Variants in SPMAP2L observed in about 807,000 individuals in gnomAD.
The protein encoded by SPMAP2L is sperm microtubule associated protein 2 like.
chr4:56,531,967 T>C, the SPMAP2L span, among the ~76,000 whole-genome samples: 1 of 152,226 alleles, frequency 6.6e-6, no homozygotes, highest in East Asian at 1.9e-4. Context: ...TGGTTATCCA[T>C]CATACTTCTG....
At chr4:56,615,271 C>T in the SPMAP2L span, among the ~76,000 whole-genome samples, 1 of 152,200 alleles carries the variant, frequency 6.6e-6, no homozygotes, top group African/African-American at 2.4e-5. Context: ...CCAGTTTGTT[C>T]TTGAAGGCAC....
chr4:56,619,085 T>C, the SPMAP2L span, among the ~76,000 whole-genome samples: 1 of 152,228 alleles, frequency 6.6e-6, no homozygotes, highest in African/African-American at 2.4e-5. Context: ...ACCATGCCTA[T>C]GATAAAGTTT....
the SPMAP2L span, among the ~76,000 whole-genome samples, chr4:56,581,626 A>C: frequency 6.6e-6 from 1 of 152,126 alleles, no homozygotes; most frequent in Non-Finnish European, 1.5e-5. Flanking sequence ...TCTAAAAAAA[A>C]AAAAAGAATA....
At chr4:56,603,393 G>T in the SPMAP2L span, 4 of 1,118,302 alleles carry the variant, frequency 3.6e-6, no homozygotes, top group Non-Finnish European at 3.7e-6. Flanking sequence ...TTAGTTCCCT[G>T]TTGCGGTACT....
chr4:56,598,374 A>G, the SPMAP2L span, among the ~76,000 whole-genome samples: 1 of 152,204 alleles, frequency 6.6e-6, no homozygotes, highest in Non-Finnish European at 1.5e-5. Context: ...CCCCTTGAGC[A>G]GCTTATATTC....
At chr4:56,606,768 A>G in the SPMAP2L span, among the ~76,000 whole-genome samples, 2 of 152,236 alleles carry the variant, frequency 1.3e-5, no homozygotes, top group Non-Finnish European at 2.9e-5. Context: ...TCTTCATCCT[A>G]AAACCAAAGG....
chr4:56,576,977 T>G, the SPMAP2L span, among the ~76,000 whole-genome samples: 119 of 152,346 alleles, frequency 7.8e-4, no homozygotes, highest in African/African-American at 2.5e-3. Context: ...TGGCTTAAGC[T>G]CTTTATTATG....
the SPMAP2L span, among the ~76,000 whole-genome samples, chr4:56,595,975 T>C: frequency 1.3e-5 from 2 of 152,228 alleles, no homozygotes; most frequent in Non-Finnish European, 2.9e-5. Context: ...TTTTGTGTTT[T>C]GCATAGAAAG....
the SPMAP2L span, among the ~76,000 whole-genome samples, chr4:56,620,631 C>T: frequency 2.6e-5 from 4 of 152,168 alleles, no homozygotes; most frequent in African/African-American, 9.7e-5. Flanking sequence ...GTGATCTGCC[C>T]GCCTCGGCCT....
At chr4:56,540,949 C>G in the SPMAP2L span, among the ~76,000 whole-genome samples, 3 of 152,206 alleles carry the variant, frequency 2.0e-5, no homozygotes, top group Admixed American at 1.3e-4. Flanking sequence ...CAGTTGCATC[C>G]TGGGGATTTC....
chr4:56,568,298 T>C, the SPMAP2L span, among the ~76,000 whole-genome samples: 1 of 152,238 alleles, frequency 6.6e-6, no homozygotes, highest in South Asian at 2.1e-4. Context: ...ATTTTTCTCA[T>C]TATGGGTCAT....
At chr4:56,574,156 A>G in the SPMAP2L span, among the ~76,000 whole-genome samples, 2 of 152,172 alleles carry the variant, frequency 1.3e-5, no homozygotes, top group African/African-American at 4.8e-5. Flanking sequence ...GTGCTGGCTC[A>G]TGCCTGTAAT....
chr4:56,600,890 T>A, the SPMAP2L span: 7 of 1,504,794 alleles, frequency 4.7e-6, no homozygotes, highest in Non-Finnish European at 6.2e-6. Flanking sequence ...TAGAGAAATG[T>A]AAAATTTGGG....
chr4:56,590,571 C>T, the SPMAP2L span, among the ~76,000 whole-genome samples: 1 of 152,220 alleles, frequency 6.6e-6, no homozygotes, highest in Non-Finnish European at 1.5e-5. Context: ...TCAATCCATC[C>T]TCCTGCTTCA....
At chr4:56,552,719 C>A in the SPMAP2L span, 1 of 685,360 alleles carries the variant, frequency 1.5e-6, no homozygotes. Context: ...TCCTCTGAAC[C>A]AATATTGTCA....
At chr4:56,601,399 G>A in the SPMAP2L span, among the ~76,000 whole-genome samples, 66 of 152,208 alleles carry the variant, frequency 4.3e-4, no homozygotes, top group African/African-American at 1.3e-3. Flanking sequence ...TGGGAGGATA[G>A]CTTGAGGCTA....
the SPMAP2L span, chr4:56,559,657 TC>T: frequency 1.2e-6 from 1 of 868,680 alleles, no homozygotes; most frequent in Non-Finnish European, 1.5e-6. Context: ...AACCTCCGCC[TC>T]CCAGGTTCAT....
At chr4:56,537,689 TTTC>T in the SPMAP2L span, among the ~76,000 whole-genome samples, 1 of 151,530 alleles carries the variant, frequency 6.6e-6, no homozygotes, top group Admixed American at 6.6e-5. Context: ...CTGGATTTCT[TTTC>T]TTTTCTTTTT....
chr4:56,615,893 T>C, the SPMAP2L span, among the ~76,000 whole-genome samples: 30,742 of 151,998 alleles, frequency 0.2, 3,664 homozygotes, highest in African/African-American at 0.33. Flanking sequence ...CAGGTGACCC[T>C]AATGTGCCGC....
Sources: gnomAD v4.1 joint callset for allele counts (sites outside exome capture counted in the v4.1 genomes callset) on GRCh38, gnomAD v4.1.1 for gene constraint, MANE v1.5 for transcripts, NCBI Gene and HGNC (gene_info 2026-07-23, HGNC 2026-07-21) for gene names.